The following ZNF423 variants were observed in gnomAD, a reference collection of about 807,000 sequenced individuals.
ZNF423 encodes Ebf-associated zinc finger protein.
Under a neutral mutation model 95.8 loss-of-function variants are expected in ZNF423, and 12 were observed. The ratio of observed to expected loss-of-function variants is 0.13; its 90% confidence interval spans 0.08 to 0.20. ZNF423 has a LOEUF of 0.20. Ranked by LOEUF, ZNF423 falls within the 10% of genes least tolerant of loss-of-function variation. The pLI, the probability that ZNF423 is intolerant of heterozygous loss-of-function variation, is 1.00. For missense variants in ZNF423, 1,316 were observed against 1,737.1 expected, an observed-to-expected ratio of 0.76 and a Z score of 4.31; for synonymous variants, 749 against 711.9, an observed-to-expected ratio of 1.05 and a Z score of -0.83.
chr16:49,840,697 ACACT>A lies in ZNF423; in HGVS notation c.40+15034_40+15037del, dbSNP rs567324651. On this transcript the variant is annotated intron_variant, in intron 1 of 7. Coordinates refer to ENST00000563137, the MANE Select transcript of ZNF423 (RefSeq NM_001379286.1). ...CATATGCATTCATGCACACGTGTACACACTCTCGCATGCATCCACATGCACACAC... is the reference window on the plus strand; with the variant it reads ...CATATGCATTCATGCACACGTGTACACTCGCATGCATCCACATGCACACAC... 1.3e-3 allele frequency among the ~76,000 whole-genome samples: 196 copies of A among 152,260 alleles called. 1 individual carries two copies. Among genetic ancestry groups the A allele is most frequent in the African/African-American group, 4.2e-3 (175 of 41,522 alleles).
intron 2 of ZNF423, among the ~76,000 whole-genome samples, chr16:49,734,689 A>G (rs2033245105): frequency 6.6e-6 from 1 of 152,234 alleles, no homozygotes; most frequent in Non-Finnish European, 1.5e-5. Flanking sequence ...TGCATGGGAC[A>G]GAAACCGAAC....
intron 3 of ZNF423, among the ~76,000 whole-genome samples, chr16:49,673,136 C>T (rs1310761750): frequency 6.6e-6 from 1 of 152,236 alleles, no homozygotes. Context: ...TTACCCACAA[C>T]AAATATGCTA....
rs769457872 is a variant in ZNF423 at position 49,643,484 on chromosome 16, G to A, written c.302-4610C>T. 1.1e-4 allele frequency among the ~76,000 whole-genome samples: 16 copies of A among 152,086 alleles called. No homozygotes were observed. In the South Asian group the frequency reaches 1.7e-3, roughly 16 times the overall value. ...CCCAGTGCCACACAGCCAGCAGGCA[G>A]CAGAGTCAGGATGTGAACCCCCCCT... On this transcript the variant is annotated intron_variant, in intron 3 of 7. Transcript: ENST00000563137.
At chr16:49,728,792 G>A (rs2033091177) in intron 3 of ZNF423, among the ~76,000 whole-genome samples, 1 of 152,098 alleles carries the variant, frequency 6.6e-6, no homozygotes, top group African/African-American at 2.4e-5. Flanking sequence ...GAGTGCAGTG[G>A]CATGATCTTG....
intron 7 of ZNF423, among the ~76,000 whole-genome samples, chr16:49,517,007 C>T (rs1567437552): frequency 6.6e-6 from 1 of 152,308 alleles, no homozygotes; most frequent in East Asian, 1.9e-4. Flanking sequence ...AGCTGTGGAA[C>T]CTTGACCACC....
chr16:49,718,961 T>C (rs2032787247), intron 3 of ZNF423, among the ~76,000 whole-genome samples: 1 of 152,224 alleles, frequency 6.6e-6, no homozygotes. Context: ...TCCCCTCTAT[T>C]TGCCTCTTTT....
intron 3 of ZNF423, among the ~76,000 whole-genome samples, chr16:49,702,736 G>A (rs2032224205): frequency 1.3e-5 from 2 of 152,242 alleles, no homozygotes; most frequent in African/African-American, 2.4e-5. Flanking sequence ...GCCAGAGATG[G>A]ATGGAAATGT....
chr16:49,652,829 G>A (rs1973461459), intron 3 of ZNF423, among the ~76,000 whole-genome samples: 1 of 152,140 alleles, frequency 6.6e-6, no homozygotes, highest in African/African-American at 2.4e-5. Flanking sequence ...TTTTATCACA[G>A]ACTGGAAATC....
At chr16:49,592,166 T>C (rs1181437443) in intron 5 of ZNF423, among the ~76,000 whole-genome samples, 2 of 152,274 alleles carry the variant, frequency 1.3e-5, no homozygotes, top group African/African-American at 4.8e-5. Context: ...CAAAATGCTT[T>C]TTAAAACTGT....
intron 7 of ZNF423, among the ~76,000 whole-genome samples, chr16:49,503,625 C>T (rs1291953722): frequency 2.6e-5 from 4 of 152,322 alleles, no homozygotes; most frequent in East Asian, 3.9e-4. Context: ...ATCACAACAT[C>T]GCTCTGCACC....
chr16:49,579,984 C>A (rs2151800096), intron 5 of ZNF423, among the ~76,000 whole-genome samples: 1 of 152,328 alleles, frequency 6.6e-6, no homozygotes, highest in East Asian at 1.9e-4. Context: ...GGACTGTCAT[C>A]TCCAGCCAGT....
rs1596886619 is a variant in ZNF423, at chr16:49,704,945, C to T, written c.301+25826G>A. Among the ~76,000 whole-genome samples the T allele has an allele frequency of 2.0e-5, 3 of 152,204 alleles. No individual in the cohort carries two copies. In the South Asian group the frequency reaches 6.2e-4, roughly 32 times the overall value. On this transcript the variant is annotated intron_variant, in intron 3 of 7. Transcript: ENST00000563137. ...TCCCTCCTGGCCTGGAAGCCACTTA[C>T]AAACCTGTGCCAACACTGCCACCTC...
chr16:49,570,107 A>G (rs1331674305), intron 5 of ZNF423, among the ~76,000 whole-genome samples: 4 of 152,344 alleles, frequency 2.6e-5, no homozygotes, highest in Non-Finnish European at 4.4e-5. Flanking sequence ...CCCTGCTCCC[A>G]GAAACTCACA....
chr16:49,854,727 G>A, intron 1 of ZNF423: 2 of 985,474 alleles, frequency 2.0e-6, no homozygotes, highest in Non-Finnish European at 2.4e-6. Flanking sequence ...GGGCTCTGCT[G>A]CCGGCGCGCG....
intron 5 of ZNF423, among the ~76,000 whole-genome samples, chr16:49,618,967 C>G (rs563012708): frequency 6.6e-6 from 1 of 152,268 alleles, no homozygotes; most frequent in Non-Finnish European, 1.5e-5. Context: ...TGTGATCCAC[C>G]CACCTCCTGC....
At chr16:49,848,189 G>C (rs1030517647) in intron 1 of ZNF423, among the ~76,000 whole-genome samples, 14 of 152,116 alleles carry the variant, frequency 9.2e-5, no homozygotes, top group African/African-American at 3.4e-4. Flanking sequence ...GGAGTTGGGG[G>C]ATGAAGAGAT....
At chr16:49,491,954 G>A (rs554870598) in intron 7 of ZNF423, among the ~76,000 whole-genome samples, 31 of 152,288 alleles carry the variant, frequency 2.0e-4, no homozygotes, top group African/African-American at 7.2e-4. Context: ...CATGGCAATG[G>A]CCCAACCAGA....
At chr16:49,705,702 C>A (rs979550217) in intron 3 of ZNF423, among the ~76,000 whole-genome samples, 5 of 152,182 alleles carry the variant, frequency 3.3e-5, no homozygotes, top group Non-Finnish European at 4.4e-5. Flanking sequence ...TGCCCACCAC[C>A]ACGCCAGGCT....
rs376219950 is a variant in ZNF423, at chr16:49,564,174, C to T, written c.3602-38680G>A. Among the ~76,000 whole-genome samples, 69 of 152,334 alleles carry T rather than the reference C, an allele frequency of 4.5e-4. 1 individual carries two copies. The highest frequency in any genetic ancestry group is 1.6e-3 in the African/African-American group (65 of 41,586). On this transcript the variant is annotated intron_variant, in intron 5 of 7. Transcript: ENST00000563137. ...AGATTTGCTATAGATGTACCACAAA[C>T]GCCACTGCCACTGAATTATGGCCAT...
Sources: allele counts gnomAD v4.1 joint callset (sites outside exome capture counted in the v4.1 genomes callset), GRCh38; gene constraint gnomAD v4.1.1; transcripts MANE v1.5; gene names NCBI Gene and HGNC (gene_info 2026-07-23, HGNC 2026-07-21).